The following PYGL variants were observed in gnomAD, a reference collection of about 807,000 sequenced individuals.
PYGL encodes the protein glycogen phosphorylase L, also known as glycogen phosphorylase, liver form.
PYGL carries 90 observed loss-of-function variants against 100.1 expected under a neutral mutation model. The ratio of observed to expected loss-of-function variants is 0.90; its 90% CI spans 0.76 to 1.07. PYGL has a LOEUF of 1.07. Among genes scored for constraint, PYGL ranks in the 50% least tolerant of loss-of-function variants. The probability of loss-of-function intolerance (pLI) is 0.00; values close to 1 mark genes in which losing one functional copy is unlikely to be tolerated. For missense variants in PYGL, 1,016 were observed against 1,057.6 expected (o/e 0.96, Z 0.55); for synonymous variants, 373 against 393.0 (o/e 0.95, Z 0.60).
At chr14:50,908,779 C>T (rs1031828527) in intron 18 of PYGL, 42 bp downstream of exon 18, 2 of 1,531,182 alleles carry the variant, frequency 1.3e-6, no homozygotes, top group African/African-American at 2.7e-5. Context: ...TCTTGTCCCC[C>T]TTTCATGATC....
At chr14:50,940,816 TG>T (rs765339227) in intron 1 of PYGL, among the ~76,000 whole-genome samples, 31 of 152,340 alleles carry the variant, frequency 2.0e-4, no homozygotes, top group Admixed American at 7.2e-4. Flanking sequence ...TTAAATTGTA[TG>T]TTTTATTTTT....
At chr14:50,924,530 C>T (rs2050529782) in intron 4 of PYGL, among the ~76,000 whole-genome samples, 1 of 152,290 alleles carries the variant, frequency 6.6e-6, no homozygotes, top group Admixed American at 6.5e-5. Context: ...CTGTTGAGTC[C>T]TACACAAAGG....
chr14:50,916,054 T>G (rs996948533), intron 9 of PYGL, 83 bp from the exon 10 acceptor site: 8 of 1,569,426 alleles, frequency 5.1e-6, no homozygotes, highest in Non-Finnish European at 6.1e-6. Flanking sequence ...AACCCTGCCC[T>G]GTCTGCAACA....
chr14:50,917,687 A>T (rs1310026544), intron 7 of PYGL, among the ~76,000 whole-genome samples: 1 of 152,198 alleles, frequency 6.6e-6, no homozygotes, highest in East Asian at 1.9e-4. Context: ...ACTAGCTGAG[A>T]ATGCCCTACA....
At chr14:50,935,523 C>T (rs1310073736) in intron 2 of PYGL, among the ~76,000 whole-genome samples, 2 of 152,070 alleles carry the variant, frequency 1.3e-5, no homozygotes, top group African/African-American at 4.8e-5. Flanking sequence ...TGATGATTGC[C>T]GTGAATTAAA....
chr14:50,924,671 C>T (rs2050531144), intron 4 of PYGL, among the ~76,000 whole-genome samples: 1 of 152,254 alleles, frequency 6.6e-6, no homozygotes, highest in Middle Eastern at 3.4e-3. Context: ...TTGCTTATCT[C>T]AATCCTTATG....
intron 3 of PYGL, among the ~76,000 whole-genome samples, chr14:50,932,954 T>C (rs1252092066): frequency 6.6e-6 from 1 of 152,244 alleles, no homozygotes. Context: ...CCAATCCCTG[T>C]GCTCACATAT....
intron 5 of PYGL, chr14:50,923,687 CAAAAAAAAA>C (rs762951824): frequency 7.5e-5 from 9 of 119,578 alleles, no homozygotes; most frequent in South Asian, 1.9e-4. Context: ...AATTTTCTGG[CAAAAAAAAA>C]AAAAAAAAAA....
intron 19 of PYGL, among the ~76,000 whole-genome samples, chr14:50,906,867 T>G (rs779891915): frequency 1.3e-5 from 2 of 152,212 alleles, no homozygotes; most frequent in Non-Finnish European, 2.9e-5. Context: ...ATTATTCTAT[T>G]AGAAGATAAG....
At chr14:50,919,836 C>G (rs2050484709) in intron 7 of PYGL, among the ~76,000 whole-genome samples, 1 of 152,074 alleles carries the variant, frequency 6.6e-6, no homozygotes, top group South Asian at 2.1e-4. Flanking sequence ...CGCCTACCAT[C>G]ACACCTGGCT....
chr14:50,910,869 C>T (rs1299478721), intron 16 of PYGL, among the ~76,000 whole-genome samples: 1 of 152,204 alleles, frequency 6.6e-6, no homozygotes, highest in East Asian at 1.9e-4. Flanking sequence ...GGCTGATTTG[C>T]ACGCAAATTA....
intron 19 of PYGL, among the ~76,000 whole-genome samples, chr14:50,907,105 T>A (rs958619400): frequency 6.6e-6 from 1 of 152,190 alleles, no homozygotes; most frequent in Non-Finnish European, 1.5e-5. Flanking sequence ...ATCAACCTTT[T>A]TACATATTTA....
chr14:50,911,124 G>A (rs188322453), intron 16 of PYGL, among the ~76,000 whole-genome samples: 50 of 152,348 alleles, frequency 3.3e-4, no homozygotes, highest in Admixed American at 3.1e-3. Flanking sequence ...GCATTTGCAT[G>A]TGGATGGTGC....
At chr14:50,909,602 A>T (rs2050371875) in intron 17 of PYGL, among the ~76,000 whole-genome samples, 1 of 152,220 alleles carries the variant, frequency 6.6e-6, no homozygotes, top group Admixed American at 6.5e-5. Flanking sequence ...TCATCTTTTG[A>T]TCAAAGTAAA....
Position 50,905,225 on chromosome 14 carries a change from G to T in PYGL, c.*167C>A. 1 of 707,652 alleles carries T rather than the reference G, an allele frequency of 1.4e-6. No homozygotes were observed. The highest frequency in any genetic ancestry group is 2.3e-6 in the Non-Finnish European group (1 of 431,714). 43.8% of individuals were successfully genotyped at this position (707,652 alleles called of 1,614,324 possible). ...AAGTTTTGGCACTCATGTAGCCCTT[G>T]GAAATTGACACTTTATTTTTAAGCT... On this transcript the variant is annotated 3_prime_UTR_variant, in exon 20 of 20. Transcript: ENST00000216392.
chr14:50,939,848 AGT>A, intron 1 of PYGL, among the ~76,000 whole-genome samples: 1 of 152,378 alleles, frequency 6.6e-6, no homozygotes, highest in South Asian at 2.1e-4. Context: ...TTAACATACT[AGT>A]TACACATAAA....
chr14:50,939,042 T>A (rs555765958), intron 1 of PYGL, among the ~76,000 whole-genome samples: 1 of 152,102 alleles, frequency 6.6e-6, no homozygotes, highest in African/African-American at 2.4e-5. Flanking sequence ...ATTTATTTAT[T>A]TATTGATGGA....
At chr14:50,918,231 G>A (rs2050471380) in intron 7 of PYGL, among the ~76,000 whole-genome samples, 1 of 152,178 alleles carries the variant, frequency 6.6e-6, no homozygotes, top group African/African-American at 2.4e-5. Context: ...TACACTGCTG[G>A]TGGGAATATA....
In PYGL at chr14:50,909,924, T is replaced by C. The variant is rs1394584236; in HGVS notation, c.2148A>G (p.Ile716Met). 1 of 1,614,064 alleles carries C rather than the reference T, an allele frequency of 6.2e-7. No homozygotes were observed. The highest frequency in any genetic ancestry group is 8.5e-7 in the Non-Finnish European group (1 of 1,180,036). The change falls in exon 17 of 20, where the codon ATA (isoleucine) becomes ATG (methionine). Residue 716 changes from isoleucine to methionine, a missense_variant. Transcript: ENST00000216392. Reference sequence around the variant, plus strand: ...TCTTGTCCAAAGCAGCCACATCATCTATCCTCATGCCAAAGATGAACAGGT... The same window carrying C: ...TCTTGTCCAAAGCAGCCACATCATCCATCCTCATGCCAAAGATGAACAGGT... Reference protein sequence around the residue: ...EENLFIFGMRIDDVAALDKKG... With the variant: ...EENLFIFGMRMDDVAALDKKG...
Sources: gnomAD v4.1 joint callset for allele counts (sites outside exome capture counted in the v4.1 genomes callset) on GRCh38, gnomAD v4.1.1 for gene constraint, MANE v1.5 for transcripts, NCBI Gene and HGNC (gene_info 2026-07-23, HGNC 2026-07-21) for gene names.